SEMA3D: variants seen among roughly 807,000 people sequenced by gnomAD.
SEMA3D encodes semaphorin-3D.
SEMA3D carries 84 observed loss-of-function variants against 100.1 expected under a neutral mutation model. The ratio of observed to expected loss-of-function variants is 0.84; its 90% confidence interval spans 0.70 to 1.01. The LOEUF is 1.01. Among genes scored for constraint, SEMA3D ranks in the 50% least tolerant of loss-of-function variants. The pLI, the probability that SEMA3D is intolerant of heterozygous loss-of-function variation, is 0.00. For missense variants in SEMA3D, 875 were observed against 934.1 expected, an observed-to-expected ratio of 0.94 and a Z score of 0.82; for synonymous variants, 312 against 320.7, an observed-to-expected ratio of 0.97 and a Z score of 0.29.
At chr7:85,003,965 A>G (rs1789725233) in intron 18 of SEMA3D, among the ~76,000 whole-genome samples, 1 of 152,124 alleles carries the variant, frequency 6.6e-6, no homozygotes, top group Admixed American at 6.6e-5. Context: ...TCTTTAACTT[A>G]TTTATTTTAC....
rs186564142 is a variant in SEMA3D at position 85,163,748 on chromosome 7, A to C, written c.-172-10009T>G. ...CATTTAAAGTGGCTCACTTATTCTC[A>C]TTCCCAGAATTGCTTTCAACCAGCC... On this transcript the variant is annotated intron_variant, in intron 1 of 18. Coordinates refer to ENST00000284136, the MANE Select transcript of SEMA3D (RefSeq NM_001384900.1). 1.0e-3 allele frequency among the ~76,000 whole-genome samples: 155 copies of C among 152,226 alleles called. 1 individual carries two copies. The highest frequency in any genetic ancestry group is 3.4e-3 in the African/African-American group (140 of 41,572).
At chr7:85,118,182 T>C (rs1393106795) in intron 3 of SEMA3D, among the ~76,000 whole-genome samples, 1 of 152,126 alleles carries the variant, frequency 6.6e-6, no homozygotes, top group African/African-American at 2.4e-5. Flanking sequence ...TTTTCATTAC[T>C]GGAGTTTTCA....
the SEMA3D span, among the ~76,000 whole-genome samples, chr7:85,193,204 C>T: frequency 6.6e-6 from 1 of 152,058 alleles, no homozygotes; most frequent in Non-Finnish European, 1.5e-5. Context: ...TTTACCAGGA[C>T]AAAAATCACA....
intron 4 of SEMA3D, among the ~76,000 whole-genome samples, chr7:85,091,104 G>A (rs1167471043): frequency 6.9e-6 from 1 of 145,936 alleles, no homozygotes; most frequent in Admixed American, 6.9e-5. Flanking sequence ...GAGGGAGAGA[G>A]GGAGGGAGGG....
At chr7:85,184,805 G>A (rs914305253) in intron 1 of SEMA3D, among the ~76,000 whole-genome samples, 1 of 152,086 alleles carries the variant, frequency 6.6e-6, no homozygotes, top group Non-Finnish European at 1.5e-5. Context: ...CCATCTCCCT[G>A]ACCAGGGCCA....
At chr7:85,121,310 C>T (rs1215790116) in intron 3 of SEMA3D, among the ~76,000 whole-genome samples, 3 of 152,104 alleles carry the variant, frequency 2.0e-5, no homozygotes, top group Non-Finnish European at 2.9e-5. Flanking sequence ...TTGTCTTTTT[C>T]TATTACCAAG....
rs143665949 is a variant in SEMA3D at position 85,078,224 on chromosome 7, T to C, written c.375+3293A>G. ...TTTTTCTTTTTTTGCTTGTATATAA[T>C]TTGCAAACTTTCTACAATGAACATT... On this transcript the variant is annotated intron_variant, in intron 5 of 18. Transcript: ENST00000284136. 3.3e-4 allele frequency among the ~76,000 whole-genome samples: 50 copies of C among 152,000 alleles called. No homozygotes were observed. In the East Asian group the frequency reaches 8.5e-3, roughly 26 times the overall value.
intron 13 of SEMA3D, among the ~76,000 whole-genome samples, chr7:85,021,631 C>T (rs996672500): frequency 1.3e-5 from 2 of 151,508 alleles, no homozygotes; most frequent in Non-Finnish European, 3.0e-5. Flanking sequence ...AATAAAAAGT[C>T]TTGTTTGTTG....
At chr7:85,014,953 T>C in intron 16 of SEMA3D, 106 bp downstream of exon 16, 3 of 749,240 alleles carry the variant, frequency 4.0e-6, no homozygotes, top group Non-Finnish European at 6.3e-6. Context: ...ATAGGACATG[T>C]TAGTAATATA....
chr7:85,083,647 A>G (rs1014372230), intron 4 of SEMA3D, among the ~76,000 whole-genome samples: 5 of 150,810 alleles, frequency 3.3e-5, no homozygotes, highest in Admixed American at 1.3e-4. Flanking sequence ...GATCGAGACC[A>G]TCCTGGCTAA....
intron 1 of SEMA3D, among the ~76,000 whole-genome samples, chr7:85,181,147 T>C (rs1030547039): frequency 5.9e-5 from 9 of 152,192 alleles, no homozygotes; most frequent in African/African-American, 1.9e-4. Context: ...GATCGTGAGA[T>C]AGGGATCCTC....
the SEMA3D span, among the ~76,000 whole-genome samples, chr7:85,247,840 C>A: frequency 6.6e-6 from 1 of 152,020 alleles, no homozygotes; most frequent in East Asian, 1.9e-4. Context: ...AGCTGGATAT[C>A]TGGAAACAAG....
chr7:85,089,355 C>T (rs1166561244), intron 4 of SEMA3D, among the ~76,000 whole-genome samples: 1 of 152,118 alleles, frequency 6.6e-6, no homozygotes, highest in Non-Finnish European at 1.5e-5. Context: ...ATTTTATTAT[C>T]ATCTCCCCAG....
At chr7:85,244,023 T>C in the SEMA3D span, among the ~76,000 whole-genome samples, 1 of 152,168 alleles carries the variant, frequency 6.6e-6, no homozygotes, top group African/African-American at 2.4e-5. Flanking sequence ...TATGTTGTCT[T>C]AGTCCATTTA....
chr7:85,078,381 T>TA (rs1041158471), intron 5 of SEMA3D, among the ~76,000 whole-genome samples: 2 of 151,700 alleles, frequency 1.3e-5, no homozygotes, highest in African/African-American at 4.8e-5. Flanking sequence ...AAGGATATAA[T>TA]AAAAAAACTG....
chr7:85,011,768 A>G (rs769146347), intron 17 of SEMA3D, among the ~76,000 whole-genome samples: 2 of 151,848 alleles, frequency 1.3e-5, no homozygotes, highest in Non-Finnish European at 2.9e-5. Context: ...AATCTGGACC[A>G]AGGCTTATTT....
In SEMA3D at chr7:85,022,376, C is replaced by T; in HGVS notation, c.1414+15G>A. On this transcript the variant is annotated intron_variant, in intron 13 of 18. Transcript: ENST00000284136. ...AAATTCCTTTTGAAAAAATCCTAAT[C>T]TAGTTTTAGCTTACCTGTTCCAAGA... 1 of 1,574,716 alleles carries T rather than the reference C, an allele frequency of 6.4e-7. No homozygotes were observed. The highest frequency in any genetic ancestry group is 2.2e-5 in the East Asian group (1 of 44,516).
rs563028410 is a variant in SEMA3D at position 85,016,062 on chromosome 7, C to G, written c.1546-846G>C. Among the ~76,000 whole-genome samples the G allele has an allele frequency of 3.3e-5, 5 of 151,720 alleles. No homozygotes were observed. In the South Asian group the frequency reaches 1.0e-3, roughly 31 times the overall value. Reference sequence around the variant, plus strand: ...CAACTTACAGAAATGGGTCTTACACCTTTAGCACCCATTAAACTGTCAGTT... The same window carrying G: ...CAACTTACAGAAATGGGTCTTACACGTTTAGCACCCATTAAACTGTCAGTT... On this transcript the variant is annotated intron_variant, in intron 15 of 18. Coordinates refer to ENST00000284136, the MANE Select transcript of SEMA3D (RefSeq NM_001384900.1).
intron 1 of SEMA3D, among the ~76,000 whole-genome samples, chr7:85,159,647 C>T (rs1219927451): frequency 6.6e-6 from 1 of 152,168 alleles, no homozygotes; most frequent in African/African-American, 2.4e-5. Flanking sequence ...GGCTTTATCT[C>T]TAACTAGGCT....
Sources: gnomAD v4.1 joint callset for allele counts (sites outside exome capture counted in the v4.1 genomes callset) on GRCh38, gnomAD v4.1.1 for gene constraint, MANE v1.5 for transcripts, NCBI Gene and HGNC (gene_info 2026-07-23, HGNC 2026-07-21) for gene names.